The following DENND5B variants were observed in gnomAD, a reference collection of about 807,000 sequenced individuals.
The protein encoded by DENND5B is DENN domain-containing protein 5B.
In DENND5B, 34 loss-of-function variants were observed where a neutral mutation model predicts 140.6. The observed-to-expected ratio is 0.24, with a 90% CI of 0.18 to 0.32. The LOEUF is 0.32. DENND5B is among the 10% of genes least tolerant of loss of function. The pLI is 1.00. For synonymous variants in DENND5B, 551 were observed against 562.1 expected (o/e 0.98, Z 0.28); for missense variants, 1,142 against 1,560.2 (o/e 0.73, Z 4.52).
At chr12:31,581,650 A>C (rs889335328) in intron 1 of DENND5B, among the ~76,000 whole-genome samples, 2 of 145,610 alleles carry the variant, frequency 1.4e-5, no homozygotes, top group Non-Finnish European at 3.0e-5. Context: ...CCGAGATCAC[A>C]CCATTGCCCT....
intron 2 of DENND5B, among the ~76,000 whole-genome samples, chr12:31,485,736 C>CCTCTCTCTCT (rs55748263): frequency 7.4e-4 from 111 of 149,788 alleles, no homozygotes; most frequent in Non-Finnish European, 1.1e-3. Flanking sequence ...GCTTCCATCT[C>CCTCTCTCTCT]CTCTCTCTCT....
rs1370099822 is a variant in DENND5B at position 31,425,868 on chromosome 12, TAC to T, written c.2238+423_2238+424del. 3.3e-5 allele frequency among the ~76,000 whole-genome samples: 5 copies of T among 152,224 alleles called. No homozygotes were observed. The East Asian group carries it at 5.8e-4, about 18-fold the overall frequency. On this transcript the variant is annotated intron_variant, in intron 9 of 20. Coordinates refer to ENST00000389082, the MANE Select transcript of DENND5B (RefSeq NM_144973.4). ...TCTGAGAGGAGAACGTTGTGCAATA[TAC>T]ACAAACCTACAACACAGCTAAGGTA...
At chr12:31,510,028 C>A (rs1390670145) in intron 1 of DENND5B, among the ~76,000 whole-genome samples, 2 of 152,176 alleles carry the variant, frequency 1.3e-5, no homozygotes, top group Non-Finnish European at 2.9e-5. Flanking sequence ...ACTTGAGCCA[C>A]GCCAAATGAC....
chr12:31,529,912 CTTT>C (rs1447711459), intron 1 of DENND5B, among the ~76,000 whole-genome samples: 1 of 152,076 alleles, frequency 6.6e-6, no homozygotes, highest in Admixed American at 6.5e-5. Context: ...CACAACTGCA[CTTT>C]TTTATTTTAT....
intron 1 of DENND5B, among the ~76,000 whole-genome samples, chr12:31,551,875 T>C (rs1289315068): frequency 6.6e-6 from 1 of 152,262 alleles, no homozygotes; most frequent in Non-Finnish European, 1.5e-5. Context: ...TGTCTGTTAT[T>C]GGTGTAAAAG....
intron 11 of DENND5B, among the ~76,000 whole-genome samples, chr12:31,417,690 C>CA (rs1211707478): frequency 1.3e-5 from 2 of 152,104 alleles, no homozygotes; most frequent in Non-Finnish European, 2.9e-5. Context: ...AACGGCTAAG[C>CA]AAACATCTAT....
chr12:31,416,904 CT>C (rs143301606), intron 11 of DENND5B, among the ~76,000 whole-genome samples: 20,636 of 135,980 alleles, frequency 0.15, 1,655 homozygotes, highest in Non-Finnish European at 0.19. Flanking sequence ...ATATATATGT[CT>C]TTTTTTTTTT....
chr12:31,466,025 T>C lies in DENND5B; in HGVS notation c.905-5644A>G, dbSNP rs142313201. Reference sequence around the variant, plus strand: ...GAGAATTCATAAAGCAGGAGACAGATGTGGAGAAATTACCCAGAATGCAGC... The same window carrying C: ...GAGAATTCATAAAGCAGGAGACAGACGTGGAGAAATTACCCAGAATGCAGC... On this transcript the variant is annotated intron_variant, in intron 3 of 20. Transcript: ENST00000389082. Among the ~76,000 whole-genome samples the C allele has an allele frequency of 7.6e-3, 1,161 of 152,232 alleles. 13 individuals carry two copies. Among genetic ancestry groups the C allele is most frequent in the African/African-American group, 0.026 (1,084 of 41,540 alleles).
chr12:31,475,659 A>G (rs1380685786), intron 3 of DENND5B, among the ~76,000 whole-genome samples: 1 of 151,538 alleles, frequency 6.6e-6, no homozygotes, highest in African/African-American at 2.4e-5. Flanking sequence ...TGAGGGGTGA[A>G]GGTTGCTTGA....
intron 1 of DENND5B, among the ~76,000 whole-genome samples, chr12:31,525,287 C>T (rs561829223): frequency 1.3e-4 from 20 of 152,258 alleles, no homozygotes; most frequent in African/African-American, 4.8e-4. Flanking sequence ...TAGAAACAAC[C>T]TAAATTTCCA....
intron 8 of DENND5B, among the ~76,000 whole-genome samples, chr12:31,429,707 C>T (rs1209514989): frequency 6.6e-6 from 1 of 151,774 alleles, no homozygotes; most frequent in East Asian, 2.0e-4. Flanking sequence ...CCACGCCCTG[C>T]CTGGTTTTTT....
At chr12:31,494,673 C>G (rs1442521856) in intron 2 of DENND5B, among the ~76,000 whole-genome samples, 1 of 152,154 alleles carries the variant, frequency 6.6e-6, no homozygotes, top group Non-Finnish European at 1.5e-5. Flanking sequence ...AACTTTGTAA[C>G]TTCACTTCAG....
Position 31,415,352 on chromosome 12 carries a change from A to T in DENND5B, c.2552+15T>A. The T allele has an allele frequency of 6.3e-7, 1 of 1,587,734 alleles. No individual in the cohort carries two copies. The highest frequency in any genetic ancestry group is 8.6e-7 in the Non-Finnish European group (1 of 1,164,910). On this transcript the variant is annotated intron_variant, in intron 12 of 20. Coordinates refer to ENST00000389082, the MANE Select transcript of DENND5B (RefSeq NM_144973.4). ...GTTATCACCACATGCTAACACATGT[A>T]TTAATAACAAATACCTCATGTCCTG...
chr12:31,542,337 T>G (rs901899913), intron 1 of DENND5B, among the ~76,000 whole-genome samples: 1 of 143,994 alleles, frequency 6.9e-6, no homozygotes, highest in Non-Finnish European at 1.5e-5. Context: ...ACATAGAAAG[T>G]AGAAGGATAG....
At chr12:31,407,939 C>T (rs565071428) in intron 14 of DENND5B, among the ~76,000 whole-genome samples, 3 of 152,114 alleles carry the variant, frequency 2.0e-5, no homozygotes, top group Non-Finnish European at 4.4e-5. Context: ...GAAGAGGACC[C>T]ACTGCAAATA....
At chr12:31,549,353 T>A (rs1319191023) in intron 1 of DENND5B, among the ~76,000 whole-genome samples, 1 of 152,164 alleles carries the variant, frequency 6.6e-6, no homozygotes, top group East Asian at 1.9e-4. Flanking sequence ...AATCCTGATT[T>A]TTTAAAAAAT....
At chr12:31,459,761 A>G (rs1944933484) in intron 4 of DENND5B, among the ~76,000 whole-genome samples, 1 of 152,248 alleles carries the variant, frequency 6.6e-6, no homozygotes, top group South Asian at 2.1e-4. Flanking sequence ...TGATATTTCC[A>G]TTATCCCTAG....
At chr12:31,414,780 T>A (rs1296519690) in intron 12 of DENND5B, among the ~76,000 whole-genome samples, 3 of 152,032 alleles carry the variant, frequency 2.0e-5, no homozygotes, top group East Asian at 3.9e-4. Flanking sequence ...ATACAAAAAA[T>A]TCGCCAGGAA....
chr12:31,447,130 G>T (rs1944309818), intron 6 of DENND5B, among the ~76,000 whole-genome samples: 1 of 151,892 alleles, frequency 6.6e-6, no homozygotes, highest in African/African-American at 2.4e-5. Flanking sequence ...AATTAGTCAG[G>T]CGTGATGGTG....
Sources: gnomAD v4.1 joint callset for allele counts (sites outside exome capture counted in the v4.1 genomes callset) on GRCh38, gnomAD v4.1.1 for gene constraint, MANE v1.5 for transcripts, NCBI Gene and HGNC (gene_info 2026-07-23, HGNC 2026-07-21) for gene names.